The following MSRA variants were observed in gnomAD, a reference collection of about 807,000 sequenced individuals.
MSRA encodes methionine sulfoxide reductase A.
MSRA carries 54 observed loss-of-function variants against 31.3 expected under a neutral mutation model. The ratio of observed to expected loss-of-function variants is 1.73; its 90% confidence interval spans 1.39 to 2.17. The LOEUF is 2.17. Ranked by LOEUF, MSRA falls within the 30% of genes most tolerant of loss-of-function variation. MSRA has a pLI of 0.00. For synonymous variants in MSRA, 169 were observed against 116.5 expected, an observed-to-expected ratio of 1.45 and a Z score of -2.90; for missense variants, 507 against 300.9, an observed-to-expected ratio of 1.69 and a Z score of -5.07.
At chr8:10,173,119 C>G (rs1317278205) in intron 1 of MSRA, among the ~76,000 whole-genome samples, 1 of 152,226 alleles carries the variant, frequency 6.6e-6, no homozygotes, top group African/African-American at 2.4e-5. Context: ...TCTTACAGCC[C>G]TTTTTCTGTT....
chr8:10,331,195 C>A (rs1028745290), intron 5 of MSRA, among the ~76,000 whole-genome samples: 5 of 152,198 alleles, frequency 3.3e-5, no homozygotes, highest in Non-Finnish European at 7.4e-5. Context: ...GTTATTGAAG[C>A]CACGTAGTCT....
intron 3 of MSRA, among the ~76,000 whole-genome samples, chr8:10,257,390 C>T (rs1464189251): frequency 2.0e-5 from 3 of 152,146 alleles, no homozygotes; most frequent in Admixed American, 1.3e-4. Flanking sequence ...TGTGTGTGTC[C>T]ATAAACCTTC....
chr8:10,087,114 G>C (rs1200661242), intron 1 of MSRA, among the ~76,000 whole-genome samples: 1 of 152,168 alleles, frequency 6.6e-6, no homozygotes, highest in Non-Finnish European at 1.5e-5. Context: ...TGTTTGCAAA[G>C]TGTCTTATCT....
chr8:10,392,995 G>A (rs1310895663), intron 5 of MSRA, among the ~76,000 whole-genome samples: 2 of 147,854 alleles, frequency 1.4e-5, no homozygotes, highest in Admixed American at 1.4e-4. Flanking sequence ...CCGGGAGGCG[G>A]AGCTTGCAGT....
intron 5 of MSRA, among the ~76,000 whole-genome samples, chr8:10,389,169 C>T (rs1806579782): frequency 6.6e-6 from 1 of 152,120 alleles, no homozygotes; most frequent in African/African-American, 2.4e-5. Context: ...ACAGGCAATC[C>T]AGTCAGTGTT....
rs186052301 is a variant in MSRA, at chr8:10,213,625, A to G, written c.211+5724A>G. Among the ~76,000 whole-genome samples the G allele has an allele frequency of 1.8e-3, 272 of 151,396 alleles. 2 individuals carry two copies. Among genetic ancestry groups the G allele is most frequent in the African/African-American group, 6.3e-3 (262 of 41,276 alleles). On this transcript the variant is annotated intron_variant, in intron 2 of 5. Transcript: ENST00000317173. Reference sequence around the variant, plus strand: ...CTAATTTTCTGTCTTTTTAGTAGAGACGGGGTTTCACCATGTTAGCCAGGA... The same window carrying G: ...CTAATTTTCTGTCTTTTTAGTAGAGGCGGGGTTTCACCATGTTAGCCAGGA...
rs1007084876 is a variant in MSRA, at chr8:10,054,389, G to GCGCC, written c.-116_-113dup. ...CCTCCAGCCCCGCCAGCAGCGCCCC[G>GCGCC]CGCCCGCCCGCCCGCGCCCCTGCCG... On this transcript the variant is annotated 5_prime_UTR_variant, in exon 1 of 6. Transcript: ENST00000317173. The GCGCC allele has an allele frequency of 3.0e-5, 21 of 700,852 alleles. No homozygotes were observed. The Admixed American group carries it at 7.5e-4, about 25-fold the overall frequency. The allele number at this position is 700,852 out of a possible 1,614,324, so 43.4% of individuals were successfully genotyped here. A position where few individuals can be genotyped will look rare whatever the true frequency, so the allele number is the denominator to read the frequency against.
At chr8:10,320,445 G>A (rs1801986151) in intron 5 of MSRA, 1 of 152,928 alleles carries the variant, frequency 6.5e-6, no homozygotes, top group Non-Finnish European at 1.5e-5. Context: ...TTCAGCCTGG[G>A]TGACAGAGCA....
intron 5 of MSRA, among the ~76,000 whole-genome samples, chr8:10,416,412 A>C (rs1290938390): frequency 2.0e-5 from 3 of 152,226 alleles, no homozygotes; most frequent in African/African-American, 7.2e-5. Flanking sequence ...CGCAGGAAAT[A>C]AACGATTCCA....
At chr8:10,293,147 G>A (rs1402848512) in intron 3 of MSRA, among the ~76,000 whole-genome samples, 1 of 152,200 alleles carries the variant, frequency 6.6e-6, no homozygotes, top group Non-Finnish European at 1.5e-5. Context: ...ATGAGTCTAT[G>A]GATCTAGAGG....
intron 1 of MSRA, among the ~76,000 whole-genome samples, chr8:10,056,216 A>AC (rs890645728): frequency 2.0e-5 from 3 of 151,270 alleles, no homozygotes; most frequent in Non-Finnish European, 2.9e-5. Context: ...AAAAAAAAAA[A>AC]AAAAACCCCA....
intron 5 of MSRA, among the ~76,000 whole-genome samples, chr8:10,343,335 A>C (rs944916203): frequency 6.6e-6 from 1 of 152,184 alleles, no homozygotes; most frequent in Non-Finnish European, 1.5e-5. Context: ...CAGACCCAAC[A>C]ATCCATGCTG....
rs1024062382 is a variant in MSRA at position 10,174,373 on chromosome 8, G to T, written c.143-33460G>T. On this transcript the variant is annotated intron_variant, in intron 1 of 5. Transcript: ENST00000317173. ...CATGGCTAGGGGTGGACTCGGGATGGAGGAGCCCAGGAGGCTTCCCGGGAG... is the reference window on the plus strand; with the variant it reads ...CATGGCTAGGGGTGGACTCGGGATGTAGGAGCCCAGGAGGCTTCCCGGGAG... Among the ~76,000 whole-genome samples the T allele has an allele frequency of 5.3e-5, 8 of 152,254 alleles. No homozygotes were observed. The South Asian group carries it at 1.5e-3, about 28-fold the overall frequency.
At chr8:10,348,924 C>G (rs773178747) in intron 5 of MSRA, among the ~76,000 whole-genome samples, 1 of 151,948 alleles carries the variant, frequency 6.6e-6, no homozygotes, top group Non-Finnish European at 1.5e-5. Flanking sequence ...CTGTTGCTCA[C>G]GAGATCTAAA....
At chr8:10,168,325 C>A (rs571389624) in intron 1 of MSRA, among the ~76,000 whole-genome samples, 2 of 152,152 alleles carry the variant, frequency 1.3e-5, no homozygotes, top group Non-Finnish European at 2.9e-5. Context: ...GTATCTCTCT[C>A]TATAGATGAC....
intron 5 of MSRA, among the ~76,000 whole-genome samples, chr8:10,348,181 T>A (rs1281984511): frequency 6.6e-6 from 1 of 152,118 alleles, no homozygotes; most frequent in African/African-American, 2.4e-5. Flanking sequence ...AGTAGCAGCA[T>A]AATTGTGTGT....
chr8:10,376,537 C>G (rs146865771), intron 5 of MSRA, among the ~76,000 whole-genome samples: 54 of 152,314 alleles, frequency 3.5e-4, no homozygotes, highest in African/African-American at 1.1e-3. Flanking sequence ...TAGGACCTGC[C>G]TCCTGGGGTT....
intron 1 of MSRA, among the ~76,000 whole-genome samples, chr8:10,125,421 G>T: frequency 6.6e-6 from 1 of 152,192 alleles, no homozygotes; most frequent in East Asian, 1.9e-4. Flanking sequence ...TGGAGAAGAA[G>T]AGGGGAGAGA....
chr8:10,281,924 A>C (rs1354831884), intron 3 of MSRA, among the ~76,000 whole-genome samples: 1 of 152,188 alleles, frequency 6.6e-6, no homozygotes, highest in Non-Finnish European at 1.5e-5. Context: ...ATAAAGGGAC[A>C]AAGAAATACG....
Sources: gnomAD v4.1 joint callset for allele counts (sites outside exome capture counted in the v4.1 genomes callset) on GRCh38, gnomAD v4.1.1 for gene constraint, MANE v1.5 for transcripts, NCBI Gene and HGNC (gene_info 2026-07-23, HGNC 2026-07-21) for gene names.